The following URI1 variants were observed in gnomAD, a reference collection of about 807,000 sequenced individuals.
URI1 encodes the protein unconventional prefoldin RPB5 interactor 1.
Under a neutral mutation model 60.2 loss-of-function variants are expected in URI1, and 39 were observed. The observed-to-expected ratio is 0.65, with a 90% CI of 0.50 to 0.85. The LOEUF (loss-of-function observed/expected upper bound fraction) is 0.85, where lower values mean the gene tolerates loss of function less well. Ranked by LOEUF, URI1 falls within the 40% of genes least tolerant of loss-of-function variation. The probability of loss-of-function intolerance (pLI) is 0.00; values close to 1 mark genes in which losing one functional copy is unlikely to be tolerated. For missense variants in URI1, 691 were observed against 665.9 expected (o/e 1.04, Z -0.42); for synonymous variants, 251 against 236.8 (o/e 1.06, Z -0.55).
At position 30,010,361 on chromosome 19, in the gene URI1, G is replaced by A. The variant is rs929413684; in HGVS notation, c.1036-733G>A. Among the ~76,000 whole-genome samples, 3 of 152,182 alleles carry A rather than the reference G, an allele frequency of 2.0e-5. No homozygotes were observed. The South Asian group carries it at 6.2e-4, about 32-fold the overall frequency. The stretch of plus-strand genomic sequence containing the variant: ...TGTTTGTGTTTTTATATTCTAATAT[G>A]TCAGACTGAAGGGGTCTTCCCCTGA... On this transcript the variant is annotated intron_variant, in intron 8 of 10. Transcript: ENST00000392271.
At position 29,951,199 on chromosome 19, in the gene URI1, G is replaced by GTCAAGT. The variant is rs921447728; in HGVS notation, c.117+8535_117+8536insTCAAGT. ...TCATTTTTGTCCCATTATTAGTGTT[G>GTCAAGT]CTAACCACTTGTTTAAGATGTCAAG... On this transcript the variant is annotated intron_variant, in intron 1 of 10. Transcript: ENST00000392271. Among the ~76,000 whole-genome samples the GTCAAGT allele has an allele frequency of 1.2e-3, 188 of 152,208 alleles. 1 individual carries two copies. Among genetic ancestry groups the GTCAAGT allele is most frequent in the Non-Finnish European group, 1.9e-3 (127 of 67,998 alleles).
chr19:29,985,422 ATTTGT>A (rs1415869461), intron 3 of URI1, 121 bp downstream of exon 3: 6 of 731,016 alleles, frequency 8.2e-6, no homozygotes, highest in African/African-American at 3.6e-5. Flanking sequence ...AGCAAGGAAG[ATTTGT>A]TTTGTTTTAC....
intron 2 of URI1, among the ~76,000 whole-genome samples, chr19:29,975,611 C>T (rs1356640336): frequency 6.7e-6 from 1 of 148,940 alleles, no homozygotes; most frequent in Non-Finnish European, 1.5e-5. Flanking sequence ...TCAAGCTATT[C>T]TCCTGACTCA....
intron 2 of URI1, among the ~76,000 whole-genome samples, chr19:29,982,192 CT>C (rs1449997292): frequency 6.6e-6 from 1 of 152,158 alleles, no homozygotes; most frequent in Non-Finnish European, 1.5e-5. Flanking sequence ...TGATCTTCTA[CT>C]TTTGTATTTT....
intron 1 of URI1, chr19:29,956,694 A>C: frequency 6.5e-7 from 1 of 1,545,492 alleles, no homozygotes; most frequent in East Asian, 2.2e-5. Flanking sequence ...TGATGGGGGA[A>C]GTGAGCATAC....
At chr19:29,956,530 A>G (rs1347133997) in intron 1 of URI1, 2 of 1,553,992 alleles carry the variant, frequency 1.3e-6, no homozygotes, top group African/African-American at 2.7e-5. Flanking sequence ...TGAATTTGAA[A>G]CAAGCTCAGT....
chr19:29,990,564 T>C (rs1016522020), intron 4 of URI1, among the ~76,000 whole-genome samples: 1 of 152,140 alleles, frequency 6.6e-6, no homozygotes, highest in Non-Finnish European at 1.5e-5. Context: ...TGTTTGGCAA[T>C]AAAAAGATGT....
intron 2 of URI1, among the ~76,000 whole-genome samples, chr19:29,973,563 T>A (rs1387406064): frequency 6.6e-6 from 1 of 152,120 alleles, no homozygotes; most frequent in Non-Finnish European, 1.5e-5. Flanking sequence ...TAAGGGATTC[T>A]TTAAGGAACA....
At chr19:29,946,950 G>C (rs2055110030) in intron 1 of URI1, among the ~76,000 whole-genome samples, 1 of 152,178 alleles carries the variant, frequency 6.6e-6, no homozygotes, top group South Asian at 2.1e-4. Flanking sequence ...GGTAGGTAAG[G>C]CTAAGTAGAA....
At chr19:29,971,357 C>T (rs1281569788) in intron 2 of URI1, 130 bp downstream of exon 2, 5 of 824,098 alleles carry the variant, frequency 6.1e-6, no homozygotes, top group Admixed American at 2.2e-5. Flanking sequence ...TAGTAGTCTC[C>T]ATTTTGAATG....
intron 3 of URI1, among the ~76,000 whole-genome samples, chr19:29,985,708 T>C (rs1326052846): frequency 2.0e-5 from 3 of 152,200 alleles, no homozygotes; most frequent in African/African-American, 7.2e-5. Flanking sequence ...AATTTTTGTT[T>C]TAATGATCTT....
intron 1 of URI1, among the ~76,000 whole-genome samples, chr19:29,970,128 ATTTTTTTTTTTTTT>A (rs199739403): frequency 0.011 from 818 of 74,544 alleles, 16 homozygotes; most frequent in African/African-American, 0.037. Flanking sequence ...AATCGTGTGT[ATTTTTTTTTTTTTT>A]TTTTTTTTTT....
At chr19:29,951,552 CTT>C (rs766190240) in intron 1 of URI1, among the ~76,000 whole-genome samples, 27 of 139,836 alleles carry the variant, frequency 1.9e-4, no homozygotes, top group Non-Finnish European at 1.9e-4. Context: ...AGCATGCATT[CTT>C]TTTTTTTTTT....
At chr19:29,966,399 G>A (rs1369622112) in intron 1 of URI1, among the ~76,000 whole-genome samples, 1 of 152,174 alleles carries the variant, frequency 6.6e-6, no homozygotes, top group Non-Finnish European at 1.5e-5. Context: ...GGGCCTCAAA[G>A]TGCTAAGATT....
At chr19:30,011,065 A>T (rs753972979) in intron 8 of URI1, 29 bp from the exon 9 acceptor site, 3 of 1,592,662 alleles carry the variant, frequency 1.9e-6, no homozygotes, top group Non-Finnish European at 2.6e-6. Flanking sequence ...TTGTCAAAAG[A>T]TTCTTAATTT....
chr19:30,005,653 T>G lies in URI1; in HGVS notation c.462T>G (p.Ala154=). Residue 154 remains alanine (A), a splice_region_variant and synonymous_variant, in exon 6 of 11, where the codon GCT becomes GCG. Transcript: ENST00000392271. ...CTTTTTTTTTGTTTAAAAACCAGGC[T>G]GCAGGTGATATTGTTGACATACGAG... ...FTEDLQKMSD[A]AGDIVDIREE... is the part of the protein sequence containing the mutation. The G allele has an allele frequency of 6.8e-6, 11 of 1,610,770 alleles. No individual in the cohort carries two copies. The highest frequency in any genetic ancestry group is 9.3e-6 in the Non-Finnish European group (11 of 1,178,774).
intron 2 of URI1, among the ~76,000 whole-genome samples, chr19:29,972,741 T>A (rs1183265015): frequency 6.6e-6 from 1 of 152,112 alleles, no homozygotes; most frequent in East Asian, 1.9e-4. Flanking sequence ...CATTTTAGTT[T>A]ACAAATACTC....
intron 6 of URI1, among the ~76,000 whole-genome samples, chr19:30,006,004 T>C (rs1274640074): frequency 6.6e-6 from 1 of 152,140 alleles, no homozygotes; most frequent in African/African-American, 2.4e-5. Context: ...ATTCTAGACA[T>C]GGATCTGCTC....
At chr19:29,934,702 AT>A (rs964970250) in intron 1 of URI1, among the ~76,000 whole-genome samples, 10 of 151,252 alleles carry the variant, frequency 6.6e-5, no homozygotes, top group East Asian at 1.9e-4. Flanking sequence ...AACCTGGCTT[AT>A]TTTTTTTTAA....
Sources: gnomAD v4.1 joint callset for allele counts (sites outside exome capture counted in the v4.1 genomes callset) on GRCh38, gnomAD v4.1.1 for gene constraint, MANE v1.5 for transcripts, NCBI Gene and HGNC (gene_info 2026-07-23, HGNC 2026-07-21) for gene names.